SRPK2: variants seen among roughly 807,000 people sequenced by gnomAD.
SRPK2 encodes SRSF protein kinase 2.
SRPK2 carries 21 observed loss-of-function variants against 90.8 expected under a neutral mutation model. That is an observed-to-expected ratio of 0.23 (90% CI 0.16 to 0.33). The LOEUF is 0.33. Ranked by LOEUF, SRPK2 falls within the 10% of genes least tolerant of loss-of-function variation. The probability of loss-of-function intolerance (pLI) is 1.00; values close to 1 mark genes in which losing one functional copy is unlikely to be tolerated. For missense variants in SRPK2, 620 were observed against 869.0 expected, an observed-to-expected ratio of 0.71 and a Z score of 3.60; for synonymous variants, 288 against 311.1, an observed-to-expected ratio of 0.93 and a Z score of 0.78.
chr7:105,142,141 A>G lies in SRPK2; in HGVS notation c.1410T>C (p.Ser470=). ...CGCAGGCCACAGGTTCTAAGGATCCAGAGAACAACGAGGTGGAAAACTCTG... is the reference window on the plus strand; with the variant it reads ...CGCAGGCCACAGGTTCTAAGGATCCGGAGAACAACGAGGTGGAAAACTCTG... The part of the protein sequence containing the change: ...QFPEFSTSLF[S]GSLEPVACGS... Residue 470 remains serine, a synonymous_variant, in exon 11 of 16, where the codon TCT becomes TCC. Coordinates refer to ENST00000393651, the MANE Select transcript of SRPK2 (RefSeq NM_182692.3). 1.4e-5 allele frequency: 22 copies of G among 1,614,230 alleles called. No homozygotes were observed. Among genetic ancestry groups the G allele is most frequent in the Non-Finnish European group, 1.9e-5 (22 of 1,180,028 alleles).
At chr7:105,206,402 T>G (rs1356174622) in intron 2 of SRPK2, 1 of 168,778 alleles carries the variant, frequency 5.9e-6, no homozygotes, top group Non-Finnish European at 1.3e-5. Context: ...TTTACCTACC[T>G]GCTGAGCTGC....
At chr7:105,137,701 T>A (rs1260155721) in intron 11 of SRPK2, among the ~76,000 whole-genome samples, 1 of 152,170 alleles carries the variant, frequency 6.6e-6, no homozygotes, top group Admixed American at 6.5e-5. Flanking sequence ...GCTGCCAAAT[T>A]ACTCTAGGAA....
chr7:105,269,221 A>G (rs990057755), intron 2 of SRPK2: 5 of 414,844 alleles, frequency 1.2e-5, no homozygotes, highest in Non-Finnish European at 1.6e-5. Context: ...TAAATATACT[A>G]GATAATTTGA....
chr7:105,282,039 C>T (rs983971238), intron 2 of SRPK2, among the ~76,000 whole-genome samples: 5 of 152,132 alleles, frequency 3.3e-5, no homozygotes, highest in Admixed American at 3.3e-4. Flanking sequence ...GGAGGACTCA[C>T]ACTTCGTAGT....
chr7:105,155,374 C>T (rs1806348177), intron 7 of SRPK2, among the ~76,000 whole-genome samples: 1 of 152,220 alleles, frequency 6.6e-6, no homozygotes, highest in African/African-American at 2.4e-5. Flanking sequence ...GGCTAAGTAA[C>T]TGATCAGGAG....
rs760380913 is a variant in SRPK2 at position 105,203,734 on chromosome 7, T to C, written c.123A>G (p.Pro41=). 1 of 1,559,682 alleles carries C rather than the reference T, an allele frequency of 6.4e-7. No individual in the cohort carries two copies. Among genetic ancestry groups the C allele is most frequent in the Non-Finnish European group, 8.8e-7 (1 of 1,137,916 alleles). ...APLVPPPPPP[P]PPPPPPLPDP... The stretch of plus-strand genomic sequence containing the variant: ...CTGGCAAAGGTGGCGGTGGTGGTGG[T>C]GGTGGCGGTGGAGGAGGAGGAACTA... Residue 41 remains proline (P), a synonymous_variant, in exon 3 of 16, where the codon CCA becomes CCG. Transcript: ENST00000393651.
At chr7:105,372,501 A>G (rs1487585709) in intron 2 of SRPK2, among the ~76,000 whole-genome samples, 1 of 152,172 alleles carries the variant, frequency 6.6e-6, no homozygotes, top group African/African-American at 2.4e-5. Context: ...ACAAACTATG[A>G]AAGGTTCCTT....
intron 3 of SRPK2, among the ~76,000 whole-genome samples, chr7:105,196,672 A>C (rs1794952743): frequency 6.6e-6 from 1 of 152,234 alleles, no homozygotes; most frequent in Admixed American, 6.5e-5. Flanking sequence ...TGGCTGTACA[A>C]ATATTTCTTT....
rs1802253460 is a variant in SRPK2 at position 105,249,959 on chromosome 7, T to C, written c.72-46174A>G. Among the ~76,000 whole-genome samples, 6 of 152,232 alleles carry C rather than the reference T, an allele frequency of 3.9e-5. No individual in the cohort carries two copies. In the South Asian group the frequency reaches 1.2e-3, roughly 31 times the overall value. On this transcript the variant is annotated intron_variant, in intron 2 of 15. Coordinates refer to ENST00000393651, the MANE Select transcript of SRPK2 (RefSeq NM_182692.3). ...ATATGATATGTAAATATTTTTCTCA[T>C]ATGAGCTCTTGTTGCCCATGTGCCT...
At chr7:105,280,338 C>CT (rs1807097615) in intron 2 of SRPK2, among the ~76,000 whole-genome samples, 2 of 151,754 alleles carry the variant, frequency 1.3e-5, no homozygotes, top group African/African-American at 4.8e-5. Context: ...TCGCTTGAAC[C>CT]TGGGAGGCAG....
At chr7:105,149,346 G>GT (rs1805198971) in intron 7 of SRPK2, among the ~76,000 whole-genome samples, 1 of 152,140 alleles carries the variant, frequency 6.6e-6, no homozygotes, top group Admixed American at 6.6e-5. Context: ...GTACGTGCAC[G>GT]TCCAGTCATA....
At chr7:105,346,345 C>A (rs1472131525) in intron 2 of SRPK2, among the ~76,000 whole-genome samples, 1 of 152,068 alleles carries the variant, frequency 6.6e-6, no homozygotes. Flanking sequence ...TCACATAACT[C>A]TCTATGATGC....
At chr7:105,163,172 T>A (rs1350147925) in intron 6 of SRPK2, among the ~76,000 whole-genome samples, 5 of 152,178 alleles carry the variant, frequency 3.3e-5, no homozygotes, top group Admixed American at 6.5e-5. Flanking sequence ...ATTTCAAAAA[T>A]TTTTTTGCAC....
At chr7:105,170,838 A>AG (rs1287116434) in intron 3 of SRPK2, among the ~76,000 whole-genome samples, 6 of 7,644 alleles carry the variant, frequency 7.8e-4, no homozygotes, top group African/African-American at 2.7e-3. Context: ...AAAGAAAGGA[A>AG]GAAAGAAAGA....
intron 2 of SRPK2, among the ~76,000 whole-genome samples, chr7:105,342,053 C>G (rs1563261313): frequency 6.6e-6 from 1 of 152,044 alleles, no homozygotes; most frequent in Non-Finnish European, 1.5e-5. Context: ...CAGCTGAGGT[C>G]GGGAGATCGA....
chr7:105,305,850 C>T (rs866954626), intron 2 of SRPK2, among the ~76,000 whole-genome samples: 2 of 152,076 alleles, frequency 1.3e-5, no homozygotes, highest in African/African-American at 2.4e-5. Context: ...TGATAAAGTA[C>T]GGGGAAAAGG....
chr7:105,183,974 ATTTTTTT>A (rs57622134), intron 3 of SRPK2, among the ~76,000 whole-genome samples: 2 of 116,280 alleles, frequency 1.7e-5, no homozygotes, highest in Admixed American at 1.0e-4. Context: ...ACTATTACCA[ATTTTTTT>A]TTTTTTTTTT....
intron 2 of SRPK2, among the ~76,000 whole-genome samples, chr7:105,220,944 G>A (rs1381784899): frequency 1.3e-5 from 2 of 151,776 alleles, no homozygotes; most frequent in Non-Finnish European, 2.9e-5. Context: ...TGGTACTGGA[G>A]GTAAATAAGA....
chr7:105,183,213 TA>T (rs1317811323), intron 3 of SRPK2, among the ~76,000 whole-genome samples: 3 of 152,186 alleles, frequency 2.0e-5, no homozygotes, highest in African/African-American at 7.2e-5. Flanking sequence ...TGTAGCTGTG[TA>T]AAAAATTTTC....
Sources: allele counts gnomAD v4.1 joint callset (sites outside exome capture counted in the v4.1 genomes callset), GRCh38; gene constraint gnomAD v4.1.1; transcripts MANE v1.5; gene names NCBI Gene and HGNC (gene_info 2026-07-23, HGNC 2026-07-21).